The following SYT9 variants were observed in gnomAD, a reference collection of about 807,000 sequenced individuals.
SYT9 encodes the protein synaptotagmin-9.
SYT9 carries 22 observed loss-of-function variants against 48.4 expected under a neutral mutation model. That is an observed-to-expected ratio of 0.45 (90% CI 0.32 to 0.65). The LOEUF is 0.65. Ranked by LOEUF, SYT9 falls within the 30% of genes least tolerant of loss-of-function variation. The probability of loss-of-function intolerance (pLI) is 0.03; values close to 1 mark genes in which losing one functional copy is unlikely to be tolerated. For synonymous variants in SYT9, 265 were observed against 245.0 expected (o/e 1.08, Z -0.76); for missense variants, 577 against 622.0 (o/e 0.93, Z 0.77).
chr11:7,370,483 G>T (rs759177923), intron 3 of SYT9, among the ~76,000 whole-genome samples: 1 of 152,088 alleles, frequency 6.6e-6, no homozygotes, highest in East Asian at 1.9e-4. Context: ...CCTTTCTAAG[G>T]TGATGGTAAT....
At chr11:7,305,330 TACTG>T (rs1321651390) in intron 2 of SYT9, among the ~76,000 whole-genome samples, 2 of 152,228 alleles carry the variant, frequency 1.3e-5, no homozygotes, top group African/African-American at 4.8e-5. Flanking sequence ...TTTGACCTAA[TACTG>T]ACAATTTGCA....
chr11:7,425,860 C>G (rs4454694), intron 6 of SYT9, among the ~76,000 whole-genome samples: 14 of 152,212 alleles, frequency 9.2e-5, no homozygotes, highest in South Asian at 2.1e-4. Flanking sequence ...GGTGCTCCCC[C>G]CCAATATAGT....
At position 7,359,166 on chromosome 11, in the gene SYT9, C is replaced by A. The variant is rs1418309810; in HGVS notation, c.1044+45225C>A. Among the ~76,000 whole-genome samples the A allele has an allele frequency of 6.7e-5, 9 of 133,766 alleles. No homozygotes were observed. The East Asian group carries it at 2.0e-3, about 29-fold the overall frequency. 87.8% of individuals were successfully genotyped at this position (133,766 alleles called of 152,430 possible). A position where few individuals can be genotyped will look rare whatever the true frequency, so the allele number is the denominator to read the frequency against. On this transcript the variant is annotated intron_variant, in intron 3 of 6. Coordinates refer to ENST00000318881, the MANE Select transcript of SYT9 (RefSeq NM_175733.4). Reference sequence around the variant, plus strand: ...ATTTCCAATTTCATCCATGTCCCTACAAAGGACATGAACTCATCATTTTTT... The same window carrying A: ...ATTTCCAATTTCATCCATGTCCCTAAAAAGGACATGAACTCATCATTTTTT...
At chr11:7,455,951 C>A (rs946520453) in intron 6 of SYT9, among the ~76,000 whole-genome samples, 72 of 152,326 alleles carry the variant, frequency 4.7e-4, no homozygotes, top group African/African-American at 1.6e-3. Flanking sequence ...CACCCACTGT[C>A]TAAAAGTCCT....
chr11:7,366,769 AT>A (rs1478517162), intron 3 of SYT9, among the ~76,000 whole-genome samples: 1 of 152,072 alleles, frequency 6.6e-6, no homozygotes, highest in East Asian at 1.9e-4. Flanking sequence ...TTGGGGCCAA[AT>A]GTTATATATA....
intron 2 of SYT9, among the ~76,000 whole-genome samples, chr11:7,303,739 G>A (rs553807763): frequency 6.6e-6 from 1 of 152,292 alleles, no homozygotes; most frequent in African/African-American, 2.4e-5. Context: ...TTAAAAAGCT[G>A]TATATGTAAA....
At chr11:7,329,945 C>A (rs1849498100) in intron 3 of SYT9, among the ~76,000 whole-genome samples, 1 of 152,098 alleles carries the variant, frequency 6.6e-6, no homozygotes, top group Admixed American at 6.5e-5. Context: ...GATTCCACAG[C>A]TCAAAGAAGA....
At chr11:7,380,633 A>G (rs1276684428) in intron 3 of SYT9, among the ~76,000 whole-genome samples, 1 of 152,112 alleles carries the variant, frequency 6.6e-6, no homozygotes, top group East Asian at 1.9e-4. Flanking sequence ...AAAAATAAAA[A>G]CAGAAAATAA....
chr11:7,387,480 C>T (rs184430157), intron 3 of SYT9, among the ~76,000 whole-genome samples: 8 of 152,210 alleles, frequency 5.3e-5, no homozygotes, highest in Non-Finnish European at 8.8e-5. Flanking sequence ...CTGTAGTTGT[C>T]GGAATTTATT....
At chr11:7,431,653 G>A (rs1847573981) in intron 6 of SYT9, among the ~76,000 whole-genome samples, 1 of 152,214 alleles carries the variant, frequency 6.6e-6, no homozygotes, top group Non-Finnish European at 1.5e-5. Context: ...TGTGGGCCAG[G>A]ACCAGGGCCC....
chr11:7,436,753 C>T (rs1266489118), intron 6 of SYT9, among the ~76,000 whole-genome samples: 1 of 152,172 alleles, frequency 6.6e-6, no homozygotes, highest in East Asian at 1.9e-4. Context: ...AGAGCAAAAT[C>T]ATTTAATCAA....
chr11:7,385,816 G>T (rs1211136020), intron 3 of SYT9, among the ~76,000 whole-genome samples: 1 of 152,138 alleles, frequency 6.6e-6, no homozygotes, highest in Non-Finnish European at 1.5e-5. Context: ...TTCCTATCCA[G>T]GAGAGCAAAT....
intron 3 of SYT9, among the ~76,000 whole-genome samples, chr11:7,333,670 G>A (rs1175209481): frequency 6.6e-6 from 1 of 152,322 alleles, no homozygotes; most frequent in African/African-American, 2.4e-5. Context: ...AAGTACATAT[G>A]GCTATCAGAT....
chr11:7,314,068 A>C (rs1849197407), intron 3 of SYT9, 127 bp downstream of exon 3: 1 of 1,084,528 alleles, frequency 9.2e-7, no homozygotes, highest in Non-Finnish European at 1.3e-6. Flanking sequence ...CAGTTATTTC[A>C]GAACCTCCTT....
intron 3 of SYT9, among the ~76,000 whole-genome samples, chr11:7,341,435 A>G (rs1849710346): frequency 6.6e-6 from 1 of 152,098 alleles, no homozygotes; most frequent in Non-Finnish European, 1.5e-5. Context: ...TTCTCATGAT[A>G]GTGAATAAGT....
intron 6 of SYT9, among the ~76,000 whole-genome samples, chr11:7,460,970 C>T (rs1476330175): frequency 6.6e-6 from 1 of 152,110 alleles, no homozygotes; most frequent in African/African-American, 2.4e-5. Context: ...CGTGCACAGA[C>T]ATGGGATGGG....
chr11:7,431,967 A>G (rs1374869294), intron 6 of SYT9, among the ~76,000 whole-genome samples: 3 of 152,188 alleles, frequency 2.0e-5, no homozygotes, highest in Non-Finnish European at 4.4e-5. Flanking sequence ...CTAAGGGAAA[A>G]TGTGGGATTG....
intron 3 of SYT9, among the ~76,000 whole-genome samples, chr11:7,377,774 C>T (rs1386745): frequency 0.28 from 42,012 of 151,970 alleles, 6,016 homozygotes; most frequent in Middle Eastern, 0.32. Flanking sequence ...CTTTACTAGC[C>T]ACTAAGAGCT....
At chr11:7,376,935 C>A (rs1474658906) in intron 3 of SYT9, among the ~76,000 whole-genome samples, 1 of 151,482 alleles carries the variant, frequency 6.6e-6, no homozygotes, top group Non-Finnish European at 1.5e-5. Context: ...CAGCCCAAAG[C>A]CATTCCATTT....
Sources: gnomAD v4.1 joint callset for allele counts (sites outside exome capture counted in the v4.1 genomes callset) on GRCh38, gnomAD v4.1.1 for gene constraint, MANE v1.5 for transcripts, NCBI Gene and HGNC (gene_info 2026-07-23, HGNC 2026-07-21) for gene names.